Variants in SETD2 observed in about 807,000 individuals in gnomAD.
The protein encoded by SETD2 is histone-lysine N-methyltransferase SETD2.
In SETD2, 31 loss-of-function variants were observed where a neutral mutation model predicts 242.1. The observed-to-expected ratio is 0.13, with a 90% CI of 0.10 to 0.17. The LOEUF (loss-of-function observed/expected upper bound fraction) is 0.17, where lower values mean the gene tolerates loss of function less well. Among genes scored for constraint, SETD2 ranks in the 10% least tolerant of loss-of-function variants. The pLI, the probability that SETD2 is intolerant of heterozygous loss-of-function variation, is 1.00. For missense variants in SETD2, 2,481 were observed against 3,046.3 expected (o/e 0.81, Z 4.37); for synonymous variants, 1,006 against 1,066.5 (o/e 0.94, Z 1.11).
At position 47,121,234 on chromosome 3, in the gene SETD2, ATGAAGGAAAAACTTATCAGTT is replaced by A; in HGVS notation, c.3381_3401del (p.Gln1127_Leu1133del). 6.2e-7 allele frequency: 1 copy of A among 1,614,104 alleles called. No homozygotes were observed. The highest frequency in any genetic ancestry group is 8.5e-7 in the Non-Finnish European group (1 of 1,180,016). The stretch of plus-strand genomic sequence containing the variant: ...TTTCCGGATTCTTCTCTGTTCCTTT[ATGAAGGAAAAACTTATCAGTT>A]TGAGGACAGGCTTTACTTGCTATAC... On this transcript the variant is annotated inframe_deletion, in exon 3 of 21. Transcript: ENST00000409792.
At chr3:47,100,686 A>T (rs2107680805) in intron 8 of SETD2, among the ~76,000 whole-genome samples, 1 of 152,094 alleles carries the variant, frequency 6.6e-6, no homozygotes, top group South Asian at 2.1e-4. Context: ...AGTCTTTGCT[A>T]TTGCATCGGT....
chr3:47,103,499 C>A, intron 6 of SETD2, 76 bp from the exon 7 acceptor site: 2 of 1,025,600 alleles, frequency 2.0e-6, no homozygotes, highest in South Asian at 1.3e-5. Context: ...AAACTACATA[C>A]ATCTCTTATG....
At position 47,033,692 on chromosome 3, in the gene SETD2, G is replaced by A. The variant is rs1179375223; in HGVS notation, c.7350+3974C>T. 9.1e-5 allele frequency among the ~76,000 whole-genome samples: 10 copies of A among 109,440 alleles called. No individual in the cohort carries two copies. In the East Asian group the frequency reaches 1.8e-3, roughly 20 times the overall value. The allele number at this position is 109,440 out of a possible 152,430, so 71.8% of individuals were successfully genotyped here. On this transcript the variant is annotated intron_variant, in intron 18 of 20. Transcript: ENST00000409792. The stretch of plus-strand genomic sequence containing the variant: ...TTTTTTTTTTTTGAGACAGAGTCTC[G>A]CTCTTGTTGTCCAGGTTGGAGTGCA...
intron 2 of SETD2, among the ~76,000 whole-genome samples, chr3:47,124,997 C>T (rs2043269176): frequency 1.3e-5 from 2 of 152,062 alleles, no homozygotes; most frequent in Non-Finnish European, 2.9e-5. Flanking sequence ...CCAGTGGTCT[C>T]CTGGCATCAC....
intron 17 of SETD2, among the ~76,000 whole-genome samples, chr3:47,041,172 T>C (rs1314523663): frequency 6.6e-6 from 1 of 152,222 alleles, no homozygotes; most frequent in Non-Finnish European, 1.5e-5. Context: ...ATGATAAATA[T>C]TTTGACCTGT....
rs765767020 is a variant in SETD2 at position 47,070,467 on chromosome 3, T to C, written c.6061-3349A>G. ...CTCCTTATTTTATATATTAAGAGAA[T>C]GGGGTCCTGAAAATACAACTGAAGT... On this transcript the variant is annotated intron_variant, in intron 12 of 20. Transcript: ENST00000409792. 7.6e-4 allele frequency among the ~76,000 whole-genome samples: 116 copies of C among 152,324 alleles called. 1 individual carries two copies. Among genetic ancestry groups the C allele is most frequent in the Admixed American group, 3.1e-3 (48 of 15,298 alleles).
chr3:47,090,916 C>G (rs1464931349), intron 9 of SETD2, among the ~76,000 whole-genome samples: 1 of 152,122 alleles, frequency 6.6e-6, no homozygotes, highest in Non-Finnish European at 1.5e-5. Context: ...TAATTTCAGG[C>G]AAGGCACTGA....
intron 12 of SETD2, among the ~76,000 whole-genome samples, chr3:47,075,318 G>C (rs1244922251): frequency 6.6e-6 from 1 of 151,980 alleles, no homozygotes; most frequent in Non-Finnish European, 1.5e-5. Context: ...CTAGCACTTT[G>C]GGAAGCCGAG....
At chr3:47,115,636 A>C (rs1349445040) in intron 4 of SETD2, among the ~76,000 whole-genome samples, 1 of 152,144 alleles carries the variant, frequency 6.6e-6, no homozygotes, top group Non-Finnish European at 1.5e-5. Context: ...TATATTTTTC[A>C]TCAATCAGAT....
intron 1 of SETD2, among the ~76,000 whole-genome samples, chr3:47,141,055 T>C (rs1028062680): frequency 2.6e-5 from 4 of 151,718 alleles, no homozygotes; most frequent in African/African-American, 4.8e-5. Flanking sequence ...TGGAGTGCAG[T>C]GTCATGATCT....
At chr3:47,098,815 T>TA (rs1239885160) in intron 8 of SETD2, among the ~76,000 whole-genome samples, 2 of 151,956 alleles carry the variant, frequency 1.3e-5, no homozygotes, top group Non-Finnish European at 2.9e-5. Context: ...ATAATAATAA[T>TA]AATTGAGTAT....
chr3:47,164,104 G>C lies in SETD2; in HGVS notation c.-180C>G. 1.0e-5 allele frequency: 11 copies of C among 1,093,872 alleles called. No individual in the cohort carries two copies. The highest frequency in any genetic ancestry group is 1.3e-5 in the Non-Finnish European group (11 of 870,150). 67.8% of individuals were successfully genotyped at this position (1,093,872 alleles called of 1,614,324 possible). On this transcript the variant is annotated 5_prime_UTR_variant, in exon 1 of 21. Coordinates refer to ENST00000409792, the MANE Select transcript of SETD2 (RefSeq NM_014159.7). This position sits in a 1 kb window ranked among gnomAD's most constrained non-coding sequence, Gnocchi z 5.4. Reference sequence around the variant, plus strand: ...CCCTCCCTCCCTCGGACGCCCGCCAGCCGCTCTCTCCCTCTCACCCTCACA... The same window carrying C: ...CCCTCCCTCCCTCGGACGCCCGCCACCCGCTCTCTCCCTCTCACCCTCACA...
At chr3:47,018,358 G>C (rs115399021) in intron 19 of SETD2, among the ~76,000 whole-genome samples, 2,830 of 152,232 alleles carry the variant, frequency 0.019, 42 homozygotes, top group Middle Eastern at 0.037. Context: ...TCTAGGAATA[G>C]GACCTTCAGA....
intron 12 of SETD2, among the ~76,000 whole-genome samples, chr3:47,080,622 C>G (rs1416950821): frequency 6.6e-6 from 1 of 152,200 alleles, no homozygotes; most frequent in Non-Finnish European, 1.5e-5. Flanking sequence ...AATATATGCA[C>G]ATATCCCTGC....
At chr3:47,068,698 T>C (rs181579332) in intron 12 of SETD2, among the ~76,000 whole-genome samples, 107 of 152,318 alleles carry the variant, frequency 7.0e-4, no homozygotes, top group Admixed American at 2.1e-3. Context: ...GGTTTCACCA[T>C]GTTAGCCAGG....
At chr3:47,065,110 T>A (rs1432206966) in intron 13 of SETD2, among the ~76,000 whole-genome samples, 1 of 152,166 alleles carries the variant, frequency 6.6e-6, no homozygotes, top group Non-Finnish European at 1.5e-5. Context: ...AACTCAGTGA[T>A]CCCAGAAAGC....
In SETD2 at chr3:47,121,512, A is replaced by G. The variant is rs1315689255; in HGVS notation, c.3124T>C (p.Ser1042Pro). Residue 1042 changes from serine (S) to proline (P), a missense_variant, in exon 3 of 21, where the codon TCT becomes CCT. Physicochemically the swap from Ser to Pro is moderately conservative, Grantham distance 74. This residue lies in a region of SETD2 where 1,300 missense variants were observed against 1,259.2 expected (regional missense o/e 1.03). Coordinates refer to ENST00000409792, the MANE Select transcript of SETD2 (RefSeq NM_014159.7). The stretch of plus-strand genomic sequence containing the variant: ...TCACTTTCATCATTTGAACTTTCAG[A>G]AGAGCCAGAATAATCTTCATGAACT... ...STVHEDYSGS[S>P]ESSNDESDSE... is the part of the protein sequence containing the mutation. The G allele has an allele frequency of 4.3e-6, 7 of 1,614,054 alleles. No individual in the cohort carries two copies. The highest frequency in any genetic ancestry group is 1.3e-5 in the African/African-American group (1 of 74,946).
rs1480270927 is a variant in SETD2, at chr3:47,016,812, C to A, written c.*281G>T. ...GCTGACAGCACCGCCAAGGAGAAGA[C>A]CCAGGTTTAAGAGTGGAGTCAGGTC... On this transcript the variant is annotated 3_prime_UTR_variant, in exon 21 of 21. Coordinates refer to ENST00000409792, the MANE Select transcript of SETD2 (RefSeq NM_014159.7). 4 of 406,726 alleles carry A rather than the reference C, an allele frequency of 9.8e-6. No homozygotes were observed. The East Asian group carries it at 1.4e-4, about 15-fold the overall frequency. 25.2% of individuals were successfully genotyped at this position (406,726 alleles called of 1,614,324 possible). A position where few individuals can be genotyped will look rare whatever the true frequency, so the allele number is the denominator to read the frequency against.
chr3:47,018,251 A>G (rs2038066789), intron 19 of SETD2, among the ~76,000 whole-genome samples: 1 of 152,198 alleles, frequency 6.6e-6, no homozygotes, highest in South Asian at 2.1e-4. Flanking sequence ...CAGCCAGCAA[A>G]GGAAAACCTA....
Sources: allele counts gnomAD v4.1 joint callset (sites outside exome capture counted in the v4.1 genomes callset), GRCh38; gene constraint gnomAD v4.1.1; regional missense constraint gnomAD v4.1.1; non-coding constraint Gnocchi (gnomAD v3.1); transcripts MANE v1.5; gene names NCBI Gene and HGNC (gene_info 2026-07-23, HGNC 2026-07-21).